The following CATSPERE variants were observed in gnomAD, a reference collection of about 807,000 sequenced individuals.
CATSPERE encodes catsper channel auxiliary subunit epsilon, also known as cation channel sperm-associated auxiliary subunit epsilon.
CATSPERE carries 93 observed loss-of-function variants against 114.1 expected under a neutral mutation model. That is an observed-to-expected ratio of 0.81 (90% CI 0.69 to 0.97). The LOEUF is 0.97. Ranked by LOEUF, CATSPERE falls within the 50% of genes least tolerant of loss-of-function variation. CATSPERE has a pLI of 0.00. For synonymous variants in CATSPERE, 341 were observed against 384.1 expected, an observed-to-expected ratio of 0.89 and a Z score of 1.31; for missense variants, 1,058 against 1,131.6, an observed-to-expected ratio of 0.93 and a Z score of 0.93.
chr1:244,513,473 A>G (rs1676089804), intron 7 of CATSPERE, among the ~76,000 whole-genome samples: 1 of 152,050 alleles, frequency 6.6e-6, no homozygotes, highest in East Asian at 1.9e-4. Context: ...GAGAAGATCA[A>G]TCTCCAGGTC....
chr1:244,478,131 T>C (rs1669658392), intron 4 of CATSPERE, among the ~76,000 whole-genome samples, 156 bp downstream of exon 4: 1 of 152,224 alleles, frequency 6.6e-6, no homozygotes, highest in South Asian at 2.1e-4. Context: ...TTTAAAGTTA[T>C]TGTATGTCAA....
At position 244,552,625 on chromosome 1, in the gene CATSPERE, T is replaced by A; in HGVS notation, c.840T>A (p.Ser280Arg). ...TRIRVPPDIL[S>R]DDERRSVAHV... ...TCAGAGTGCCTCCAGACATTCTGAGTGATGATGAAAGACGGAGTGTGGCTC... is the reference window on the plus strand; with the variant it reads ...TCAGAGTGCCTCCAGACATTCTGAGAGATGATGAAAGACGGAGTGTGGCTC... The change falls in exon 9 of 22, where the codon AGT becomes AGA. Residue 280 changes from serine to arginine, a missense_variant. This residue lies in a region of CATSPERE where 787 missense variants were observed against 905.6 expected (regional missense o/e 0.87). Transcript: ENST00000366534. 1 of 1,614,096 alleles carries A rather than the reference T, an allele frequency of 6.2e-7. No homozygotes were observed. The highest frequency in any genetic ancestry group is 1.1e-5 in the South Asian group (1 of 91,072).
chr1:244,553,602 TACACACACACACACACACACAC>T (rs67626437), intron 9 of CATSPERE, among the ~76,000 whole-genome samples: 1 of 91,950 alleles, frequency 1.1e-5, no homozygotes, highest in South Asian at 4.1e-4. Flanking sequence ...AAAAAAAAAA[TACACACACACACACACACACAC>T]ACACACACAC....
At chr1:244,483,441 C>T (rs1297248175) in intron 5 of CATSPERE, among the ~76,000 whole-genome samples, 2 of 152,166 alleles carry the variant, frequency 1.3e-5, no homozygotes, top group African/African-American at 2.4e-5. Flanking sequence ...TTTATATCCA[C>T]ACTAGTAGTA....
At position 244,487,907 on chromosome 1, in the gene CATSPERE, G is replaced by T. The variant is rs1459798171; in HGVS notation, c.327-2540G>T. ...AAGATAAATTTGTTAACAATTTCAA[G>T]ATAAATACTGTAGAGTACAGGACCC... On this transcript the variant is annotated intron_variant, in intron 5 of 21. Coordinates refer to ENST00000366534, the MANE Select transcript of CATSPERE (RefSeq NM_001130957.2). Among the ~76,000 whole-genome samples the T allele has an allele frequency of 2.6e-5, 4 of 152,254 alleles. No homozygotes were observed. In the East Asian group the frequency reaches 7.7e-4, roughly 29 times the overall value.
chr1:244,551,277 G>T (rs376006613), intron 8 of CATSPERE, among the ~76,000 whole-genome samples: 1 of 152,156 alleles, frequency 6.6e-6, no homozygotes, highest in Non-Finnish European at 1.5e-5. Flanking sequence ...TGTAAATGGC[G>T]GCTAAGAGAG....
chr1:244,506,611 G>A (rs1319220365), intron 7 of CATSPERE, among the ~76,000 whole-genome samples: 1 of 152,002 alleles, frequency 6.6e-6, no homozygotes, highest in Non-Finnish European at 1.5e-5. Flanking sequence ...TGAGTAACAA[G>A]ATTTTTGATA....
chr1:244,498,724 C>T (rs898292149), intron 6 of CATSPERE, among the ~76,000 whole-genome samples: 1 of 151,992 alleles, frequency 6.6e-6, no homozygotes, highest in African/African-American at 2.4e-5. Flanking sequence ...ATGGTGAAAC[C>T]CCGTCTCTAC....
rs1223311033 is a variant in CATSPERE, at chr1:244,617,523, G to T, written c.2491-6G>T. On this transcript the variant is annotated splice_region_variant and splice_polypyrimidine_tract_variant and intron_variant, in intron 19 of 21. Transcript: ENST00000366534. ...CTTAAAATTTTTGTCTTTGTTTCTT[G>T]TTCAGAACTATAAACACTGTTTTTC... The T allele has an allele frequency of 4.7e-6, 7 of 1,484,302 alleles. No homozygotes were observed. The East Asian group carries it at 1.0e-4, about 22-fold the overall frequency. 91.9% of individuals were successfully genotyped at this position (1,484,302 alleles called of 1,614,324 possible).
At chr1:244,461,249 G>C (rs543281975), upstream of CATSPERE, 2 of 448,726 alleles carry the variant, frequency 4.5e-6, no homozygotes. Context: ...GGGAGCCCAG[G>C]TAGCGGCGCG....
intron 18 of CATSPERE, 68 bp from the exon 19 acceptor site, chr1:244,610,172 T>C (rs911158408): frequency 2.0e-6 from 2 of 1,024,262 alleles, no homozygotes; most frequent in African/African-American, 1.6e-5. Context: ...AACAAAACAT[T>C]AAATACTTAG....
intron 8 of CATSPERE, among the ~76,000 whole-genome samples, chr1:244,529,287 C>T (rs527975431): frequency 1.1e-3 from 169 of 152,210 alleles, no homozygotes; most frequent in African/African-American, 3.9e-3. Context: ...AATTTACATT[C>T]CCACCCACAG....
At chr1:244,503,986 A>C (rs1394620669) in intron 7 of CATSPERE, among the ~76,000 whole-genome samples, 1 of 152,180 alleles carries the variant, frequency 6.6e-6, no homozygotes, top group Non-Finnish European at 1.5e-5. Flanking sequence ...GTTTTCTATG[A>C]CCTGGAGATA....
In CATSPERE at chr1:244,505,241, A is replaced by G. The variant is rs189431908; in HGVS notation, c.429+6162A>G. 4.6e-5 allele frequency among the ~76,000 whole-genome samples: 7 copies of G among 152,274 alleles called. No homozygotes were observed. The East Asian group carries it at 1.4e-3, about 29-fold the overall frequency. ...TAATCCGGTATAATTCCTGCATCAT[A>G]GCACGTGCACCATCTTACATTCCCA... is the stretch of plus-strand genomic sequence containing the variant. On this transcript the variant is annotated intron_variant, in intron 7 of 21. Transcript: ENST00000366534.
At position 244,504,527 on chromosome 1, in the gene CATSPERE, T is replaced by C. The variant is rs1279164389; in HGVS notation, c.429+5448T>C. 2.0e-5 allele frequency among the ~76,000 whole-genome samples: 3 copies of C among 152,244 alleles called. No homozygotes were observed. The highest frequency in any genetic ancestry group is 4.4e-5 in the Non-Finnish European group (3 of 68,034). ...TTGTATTCCAGAATCCCACCAGGAA[T>C]AGCAAATTATATTTAGTTGTCTTGT... On this transcript the variant is annotated intron_variant, in intron 7 of 21. Coordinates refer to ENST00000366534, the MANE Select transcript of CATSPERE (RefSeq NM_001130957.2). The surrounding 1 kb of genome is among the most constrained non-coding windows in gnomAD (Gnocchi z 4.1).
rs1343815203 is a variant in CATSPERE at position 244,561,228 on chromosome 1, A to T, written c.1507+83A>T. The T allele has an allele frequency of 2.4e-5, 25 of 1,048,740 alleles. No homozygotes were observed. In the East Asian group the frequency reaches 5.7e-4, roughly 24 times the overall value. The allele number at this position is 1,048,740 out of a possible 1,614,324, so 65.0% of individuals were successfully genotyped here. A position where few individuals can be genotyped will look rare whatever the true frequency, so the allele number is the denominator to read the frequency against. ...ATAATGATGTAACACTTTTTAATGT[A>T]CCAATGTGTGGCGTTTTTGGCAGCC... is the stretch of plus-strand genomic sequence containing the variant. On this transcript the variant is annotated intron_variant, in intron 10 of 21. Transcript: ENST00000366534.
chr1:244,468,349 C>T (rs1667948146), intron 2 of CATSPERE, among the ~76,000 whole-genome samples: 1 of 152,124 alleles, frequency 6.6e-6, no homozygotes, highest in African/African-American at 2.4e-5. Flanking sequence ...AGCTTGGCCT[C>T]CCAAAGTGCT....
upstream of CATSPERE, chr1:244,457,653 T>C (rs898694398): frequency 3.3e-5 from 5 of 152,228 alleles, no homozygotes; most frequent in African/African-American, 1.2e-4. Context: ...GAATGACTTA[T>C]GGTGACCTGG....
intron 9 of CATSPERE, among the ~76,000 whole-genome samples, chr1:244,559,721 T>C (rs997046668): frequency 1.3e-5 from 2 of 152,170 alleles, no homozygotes; most frequent in African/African-American, 4.8e-5. Flanking sequence ...ACTTTATATA[T>C]TGACCTTAGT....
Sources: allele counts gnomAD v4.1 joint callset (sites outside exome capture counted in the v4.1 genomes callset), GRCh38; gene constraint gnomAD v4.1.1; regional missense constraint gnomAD v4.1.1; non-coding constraint Gnocchi (gnomAD v3.1); transcripts MANE v1.5; gene names NCBI Gene and HGNC (gene_info 2026-07-23, HGNC 2026-07-21).